Variants in ABRA observed in about 807,000 individuals in gnomAD.
The protein encoded by ABRA is actin-binding Rho-activating protein.
In ABRA, 25 loss-of-function variants were observed where a neutral mutation model predicts 33.4. The observed-to-expected ratio is 0.75, with a 90% CI of 0.55 to 1.04. The LOEUF is 1.04. Ranked by LOEUF, ABRA falls within the 50% of genes least tolerant of loss-of-function variation. The pLI is 0.00. For missense variants in ABRA, 501 were observed against 491.7 expected, an observed-to-expected ratio of 1.02 and a Z score of -0.18; for synonymous variants, 193 against 176.8, an observed-to-expected ratio of 1.09 and a Z score of -0.73.
rs1160750151 is a variant in ABRA, at chr8:106,760,599, T to C, written c.*438A>G. The C allele has an allele frequency of 1.3e-5, 2 of 156,408 alleles. No individual in the cohort carries two copies. Among genetic ancestry groups the C allele is most frequent in the African/African-American group, 4.8e-5 (2 of 41,536 alleles). 9.7% of individuals were successfully genotyped at this position (156,408 alleles called of 1,614,324 possible). ...GATGTAATGTTTAATTAAAAATCTATAGTAGTTTCTACAATGACTAGCTAA... is the reference window on the plus strand; with the variant it reads ...GATGTAATGTTTAATTAAAAATCTACAGTAGTTTCTACAATGACTAGCTAA... On this transcript the variant is annotated 3_prime_UTR_variant, in exon 2 of 2. Transcript: ENST00000311955.
At chr8:106,763,153 C>T (rs1836160865) in intron 1 of ABRA, among the ~76,000 whole-genome samples, 1 of 152,138 alleles carries the variant, frequency 6.6e-6, no homozygotes, top group South Asian at 2.1e-4. Flanking sequence ...AATCTGGTTA[C>T]CCAAAGGCTG....
rs1836136582 is a variant in ABRA at position 106,761,365 on chromosome 8, A to G, written c.818T>C (p.Leu273Pro). 4.3e-6 allele frequency: 7 copies of G among 1,614,122 alleles called. No individual in the cohort carries two copies. The East Asian group carries it at 1.1e-4, about 26-fold the overall frequency. Residue 273 changes from leucine (L) to proline (P), a missense_variant, in exon 2 of 2, where the codon CTG becomes CCG. By Grantham distance (98) the Leu-to-Pro change is moderately conservative (BLOSUM62 -3). Coordinates refer to ENST00000311955, the MANE Select transcript of ABRA (RefSeq NM_139166.5). The stretch of plus-strand genomic sequence containing the variant: ...TTTGTGTAGGCGGGTGGACATGGCC[A>G]GCTCGTAATCAAACTCTTCACTGAA... Reference protein sequence around the residue: ...NPFSEEFDYELAMSTRLHKGD... With the variant: ...NPFSEEFDYEPAMSTRLHKGD...
intron 1 of ABRA, among the ~76,000 whole-genome samples, chr8:106,767,250 G>A (rs1326179696): frequency 6.6e-6 from 1 of 152,180 alleles, no homozygotes; most frequent in Non-Finnish European, 1.5e-5. Context: ...ATGCATTCAG[G>A]ATCGGTCCCA....
intron 1 of ABRA, among the ~76,000 whole-genome samples, chr8:106,767,146 T>A (rs1256180116): frequency 2.6e-5 from 4 of 152,218 alleles, no homozygotes; most frequent in Admixed American, 1.3e-4. Flanking sequence ...AGAGGGATGA[T>A]GATTATAACC....
At chr8:106,765,919 C>T (rs1333156176) in intron 1 of ABRA, among the ~76,000 whole-genome samples, 1 of 152,170 alleles carries the variant, frequency 6.6e-6, no homozygotes, top group East Asian at 1.9e-4. Flanking sequence ...AGTCTGTTCT[C>T]TACTAAGAGG....
chr8:106,761,150 C>A lies in ABRA; in HGVS notation c.1033G>T (p.Asp345Tyr), dbSNP rs148169414. 6.2e-7 allele frequency: 1 copy of A among 1,614,220 alleles called. No individual in the cohort carries two copies. Among genetic ancestry groups the A allele is most frequent in the Non-Finnish European group, 8.5e-7 (1 of 1,180,044 alleles). Reference protein sequence around the residue: ...DLFDRYVRISDKVVGILMRAR... With the variant: ...DLFDRYVRISYKVVGILMRAR... ...CGCATGAGAATGCCCACTACTTTAT[C>A]TGAAATACGAACGTATCTGTCAAAG... The change falls in exon 2 of 2, where the codon GAT becomes TAT. Residue 345 changes from aspartate (D) to tyrosine (Y), a missense_variant. Physicochemically the swap from Asp to Tyr is radical, Grantham distance 160. Transcript: ENST00000311955.
intron 1 of ABRA, among the ~76,000 whole-genome samples, chr8:106,762,545 C>T (rs1237792980): frequency 6.6e-6 from 1 of 152,004 alleles, no homozygotes; most frequent in Non-Finnish European, 1.5e-5. Context: ...TAGGATGGGG[C>T]AGCAAACTAA....
intron 1 of ABRA, among the ~76,000 whole-genome samples, chr8:106,762,155 A>T (rs1836148364): frequency 6.6e-6 from 1 of 152,194 alleles, no homozygotes. Context: ...ATTTCCTGAG[A>T]TAGGTACTAC....
chr8:106,768,094 C>CAA (rs397957500), intron 1 of ABRA, among the ~76,000 whole-genome samples: 55 of 106,620 alleles, frequency 5.2e-4, no homozygotes, highest in Admixed American at 2.1e-3. Context: ...GACTTCATCT[C>CAA]AAAAAAAAAA....
Position 106,769,975 on chromosome 8 carries a change from G to T in ABRA, c.216C>A (p.His72Gln), listed in dbSNP as rs1810581757. 6.2e-7 allele frequency: 1 copy of T among 1,613,888 alleles called. No individual in the cohort carries two copies. The highest frequency in any genetic ancestry group is 2.2e-5 in the East Asian group (1 of 44,826). ...ACTTTGGGGCACTCTGAGCTTTCTGGTGTGAAGTAGGGGGTGTGATTGGTT... is the reference window on the plus strand; with the variant it reads ...ACTTTGGGGCACTCTGAGCTTTCTGTTGTGAAGTAGGGGGTGTGATTGGTT... ...APKPITPPTS[H>Q]QKAQSAPKSP... The change falls in exon 1 of 2, where the codon CAC (histidine) becomes CAA (glutamine). Residue 72 changes from histidine to glutamine, a missense_variant. Coordinates refer to ENST00000311955, the MANE Select transcript of ABRA (RefSeq NM_139166.5).
In ABRA at chr8:106,768,640, T is replaced by A. The variant is rs562189712; in HGVS notation, c.668+883A>T. Among the ~76,000 whole-genome samples, 234 of 152,304 alleles carry A rather than the reference T, an allele frequency of 1.5e-3. 1 individual carries two copies. The highest frequency in any genetic ancestry group is 2.8e-3 in the Non-Finnish European group (193 of 68,030). On this transcript the variant is annotated intron_variant, in intron 1 of 1. Transcript: ENST00000311955. ...TACAAATGAGGAAATCTGCTTTTTTTAATTTTTATGTGAAACAGAGTCTTG... is the reference window on the plus strand; with the variant it reads ...TACAAATGAGGAAATCTGCTTTTTTAAATTTTTATGTGAAACAGAGTCTTG...
Position 106,761,211 on chromosome 8 carries a change from T to C in ABRA, c.972A>G (p.Arg324=), listed in dbSNP as rs1274179803. 3.1e-6 allele frequency: 5 copies of C among 1,614,238 alleles called. No homozygotes were observed. The change falls in exon 2 of 2, where the codon AGA becomes AGG. Residue 324 remains arginine (R), a synonymous_variant. Coordinates refer to ENST00000311955, the MANE Select transcript of ABRA (RefSeq NM_139166.5). ...AAGTAACCTGGATCTTGCCATCTCG[T>C]CTGTGGCGAGCCATTGTGCAGATAA... The part of the protein sequence containing the change: ...CFIICTMARH[R]RDGKIQVTFG...
chr8:106,770,040 A>C lies in ABRA; in HGVS notation c.151T>G (p.Trp51Gly). 1.9e-6 allele frequency: 3 copies of C among 1,614,096 alleles called. No homozygotes were observed. The highest frequency in any genetic ancestry group is 2.5e-6 in the Non-Finnish European group (3 of 1,180,012). The change falls in exon 1 of 2, where the codon TGG becomes GGG. Residue 51 changes from tryptophan to glycine, a missense_variant. Transcript: ENST00000311955. Reference protein sequence around the residue: ...SIRQAQEPTGWLPGGTQDSPQ... With the variant: ...SIRQAQEPTGGLPGGTQDSPQ... ...GAGTCCTGGGTCCCTCCCGGCAGCC[A>C]GCCTGTAGGCTCCTGGGCCTGCCTG...
At position 106,759,704 on chromosome 8, in the gene ABRA, T is replaced by G. The variant is rs1836108810; in HGVS notation, c.*1333A>C. On this transcript the variant is annotated 3_prime_UTR_variant, in exon 2 of 2. Coordinates refer to ENST00000311955, the MANE Select transcript of ABRA (RefSeq NM_139166.5). Reference sequence around the variant, plus strand: ...TCATACATGAAAACAAATATAATTCTTATAGCAGTCTAATACCTATTATTT... The same window carrying G: ...TCATACATGAAAACAAATATAATTCGTATAGCAGTCTAATACCTATTATTT... 3 of 152,202 alleles carry G rather than the reference T, an allele frequency of 2.0e-5. No homozygotes were observed. In the South Asian group the frequency reaches 6.2e-4, roughly 31 times the overall value. The allele number at this position is 152,202 out of a possible 1,614,324, so 9.4% of individuals were successfully genotyped here.
Position 106,770,202 on chromosome 8 carries a change from G to A in ABRA, c.-12C>T. Reference sequence around the variant, plus strand: ...TCGCCCGGAGCCATGCTGCCCACCTGTCTTTCTCTGCTGATAGCCTGGACA... The same window carrying A: ...TCGCCCGGAGCCATGCTGCCCACCTATCTTTCTCTGCTGATAGCCTGGACA... On this transcript the variant is annotated 5_prime_UTR_variant, in exon 1 of 2. Coordinates refer to ENST00000311955, the MANE Select transcript of ABRA (RefSeq NM_139166.5). 6.3e-7 allele frequency: 1 copy of A among 1,592,976 alleles called. No individual in the cohort carries two copies. Among genetic ancestry groups the A allele is most frequent in the Non-Finnish European group, 8.5e-7 (1 of 1,174,306 alleles).
At chr8:106,768,484 A>G (rs898715167) in intron 1 of ABRA, among the ~76,000 whole-genome samples, 1 of 152,226 alleles carries the variant, frequency 6.6e-6, no homozygotes, top group African/African-American at 2.4e-5. Flanking sequence ...AAAGTAACCA[A>G]ATCTATGTGA....
intron 1 of ABRA, among the ~76,000 whole-genome samples, chr8:106,766,803 A>G (rs1836227640): frequency 6.6e-6 from 1 of 152,188 alleles, no homozygotes; most frequent in African/African-American, 2.4e-5. Flanking sequence ...CCCTGAGTCT[A>G]TCACTTTACA....
At chr8:106,769,353 A>G (rs1311547851) in intron 1 of ABRA, among the ~76,000 whole-genome samples, 170 bp downstream of exon 1, 2 of 152,202 alleles carry the variant, frequency 1.3e-5, no homozygotes, top group Non-Finnish European at 2.9e-5. Context: ...TAAGGTTGGC[A>G]CTGACCTTCA....
In ABRA at chr8:106,769,946, G is replaced by A; in HGVS notation, c.245C>T (p.Pro82Leu). Residue 82 changes from proline (P) to leucine (L), a missense_variant, in exon 1 of 2, where the codon CCA becomes CTA. By Grantham distance (98) the Pro-to-Leu change is moderately conservative (BLOSUM62 -3). Coordinates refer to ENST00000311955, the MANE Select transcript of ABRA (RefSeq NM_139166.5). ...TCCATGTCCTTCTGGCAGGCGGGGT[G>A]GCGACTTTGGGGCACTCTGAGCTTT... ...HQKAQSAPKS[P>L]PRLPEGHGDG... The A allele has an allele frequency of 6.2e-7, 1 of 1,614,132 alleles. No homozygotes were observed. Among genetic ancestry groups the A allele is most frequent in the South Asian group, 1.1e-5 (1 of 91,072 alleles).
Sources: gnomAD v4.1 joint callset for allele counts (sites outside exome capture counted in the v4.1 genomes callset) on GRCh38, gnomAD v4.1.1 for gene constraint, MANE v1.5 for transcripts, NCBI Gene and HGNC (gene_info 2026-07-23, HGNC 2026-07-21) for gene names.